The following ARHGAP15 variants were observed in gnomAD, a reference collection of about 807,000 sequenced individuals.
The protein encoded by ARHGAP15 is Rho GTPase activating protein 15.
In ARHGAP15, 51 loss-of-function variants were observed where a neutral mutation model predicts 63.7. That is an observed-to-expected ratio of 0.80 (90% confidence interval 0.64 to 1.01). The LOEUF (loss-of-function observed/expected upper bound fraction) is 1.01. Ranked by LOEUF, ARHGAP15 falls within the 50% of genes least tolerant of loss-of-function variation. ARHGAP15 has a pLI of 0.00. For missense variants in ARHGAP15, 560 were observed against 564.6 expected (o/e 0.99, Z 0.08); for synonymous variants, 191 against 193.8 (o/e 0.99, Z 0.12).
rs1201840061 is a variant in ARHGAP15, at chr2:143,355,225, T to TG, written c.475-80376_475-80375insG. On this transcript the variant is annotated intron_variant, in intron 6 of 13. Transcript: ENST00000295095. Reference sequence around the variant, plus strand: ...TAGAATTGCAATTCCATACACAGGATATATCAGCAGTTACCAATTCTCCAT... The same window carrying TG: ...TAGAATTGCAATTCCATACACAGGATGATATCAGCAGTTACCAATTCTCCAT... Among the ~76,000 whole-genome samples, 43 of 152,298 alleles carry TG rather than the reference T, an allele frequency of 2.8e-4. 1 individual carries two copies. In the South Asian group the frequency reaches 4.4e-3, roughly 15 times the overall value.
At chr2:143,757,013 G>C (rs1290488107) in intron 13 of ARHGAP15, among the ~76,000 whole-genome samples, 1 of 152,098 alleles carries the variant, frequency 6.6e-6, no homozygotes, top group Non-Finnish European at 1.5e-5. Flanking sequence ...ATAAAGATCT[G>C]CATCTTAATC....
At chr2:143,710,543 G>A (rs983115630) in intron 13 of ARHGAP15, among the ~76,000 whole-genome samples, 11 of 152,108 alleles carry the variant, frequency 7.2e-5, no homozygotes, top group African/African-American at 1.7e-4. Flanking sequence ...GTTTTAAGAC[G>A]GGAGTGAAAT....
At position 143,205,583 on chromosome 2, in the gene ARHGAP15, A is replaced by G. The variant is rs1456172686; in HGVS notation, c.234+3381A>G. On this transcript the variant is annotated intron_variant, in intron 3 of 13. Coordinates refer to ENST00000295095, the MANE Select transcript of ARHGAP15 (RefSeq NM_018460.4). ...TTTCACTTCCAAGCTTGTGATACAC[A>G]GGTCTATGCTTGTAACCTTTCTCTC... Among the ~76,000 whole-genome samples, 3 of 152,222 alleles carry G rather than the reference A, an allele frequency of 2.0e-5. No homozygotes were observed. In the East Asian group the frequency reaches 5.8e-4, roughly 29 times the overall value.
intron 6 of ARHGAP15, among the ~76,000 whole-genome samples, chr2:143,435,041 TG>T (rs1031068599): frequency 6.6e-6 from 1 of 152,144 alleles, no homozygotes; most frequent in Admixed American, 6.6e-5. Flanking sequence ...GTGGGGAAAT[TG>T]GTTTTTTTAT....
intron 12 of ARHGAP15, among the ~76,000 whole-genome samples, chr2:143,694,549 G>C (rs904542550): frequency 1.2e-4 from 19 of 152,178 alleles, no homozygotes; most frequent in Non-Finnish European, 1.8e-4. Context: ...CCAGAGCCAG[G>C]CAGAGGTGTT....
At chr2:143,275,960 G>T (rs929162944) in intron 6 of ARHGAP15, among the ~76,000 whole-genome samples, 1 of 152,120 alleles carries the variant, frequency 6.6e-6, no homozygotes, top group Admixed American at 6.5e-5. Context: ...AGGTACCTTT[G>T]GGCAGCTTTG....
chr2:143,685,371 A>C (rs1395734759), intron 12 of ARHGAP15, among the ~76,000 whole-genome samples: 1 of 152,194 alleles, frequency 6.6e-6, no homozygotes, highest in Non-Finnish European at 1.5e-5. Context: ...TAGGGCTCTC[A>C]TCTTGCATTT....
intron 13 of ARHGAP15, among the ~76,000 whole-genome samples, chr2:143,761,065 A>C (rs1431844133): frequency 6.6e-6 from 1 of 152,196 alleles, no homozygotes; most frequent in Non-Finnish European, 1.5e-5. Context: ...AATTTCTGCT[A>C]AGTCCTCAAT....
chr2:143,281,563 T>C (rs1357185842), intron 6 of ARHGAP15, among the ~76,000 whole-genome samples: 5 of 152,134 alleles, frequency 3.3e-5, no homozygotes, highest in East Asian at 1.9e-4. Flanking sequence ...GACTCTTCCA[T>C]AGGTAACGTG....
At chr2:143,184,358 A>G (rs555067066) in intron 2 of ARHGAP15, among the ~76,000 whole-genome samples, 2 of 152,250 alleles carry the variant, frequency 1.3e-5, no homozygotes, top group East Asian at 1.9e-4. Flanking sequence ...CTTAGGAATT[A>G]TTTCTGATGA....
intron 6 of ARHGAP15, among the ~76,000 whole-genome samples, chr2:143,306,948 G>A (rs1683201281): frequency 6.6e-6 from 1 of 152,106 alleles, no homozygotes; most frequent in Non-Finnish European, 1.5e-5. Flanking sequence ...TCTCTGCTCA[G>A]GGTCTCACGA....
At chr2:143,267,100 T>C (rs570604133) in intron 6 of ARHGAP15, among the ~76,000 whole-genome samples, 19 of 152,294 alleles carry the variant, frequency 1.2e-4, no homozygotes, top group African/African-American at 4.6e-4. Context: ...CACAAATGCA[T>C]AATCCCTCCA....
chr2:143,132,496 G>A (rs1441368231), intron 1 of ARHGAP15, among the ~76,000 whole-genome samples: 1 of 152,212 alleles, frequency 6.6e-6, no homozygotes. Flanking sequence ...GGGAAAGAAT[G>A]CTTTTCCCCA....
intron 11 of ARHGAP15, among the ~76,000 whole-genome samples, chr2:143,610,683 A>G (rs1698215760): frequency 6.6e-6 from 1 of 152,120 alleles, no homozygotes; most frequent in Non-Finnish European, 1.5e-5. Flanking sequence ...GCAGTGGGCC[A>G]TGATGGCCTG....
intron 8 of ARHGAP15, among the ~76,000 whole-genome samples, chr2:143,449,512 G>A (rs1049932221): frequency 2.6e-5 from 4 of 151,872 alleles, no homozygotes; most frequent in African/African-American, 7.3e-5. Context: ...TTTCCCATTG[G>A]CCTTTCAGGT....
At chr2:143,220,982 T>G (rs1263271808) in intron 4 of ARHGAP15, among the ~76,000 whole-genome samples, 2 of 152,076 alleles carry the variant, frequency 1.3e-5, no homozygotes, top group African/African-American at 4.8e-5. Flanking sequence ...CAAATCTTAT[T>G]TTATATATAG....
chr2:143,431,333 T>C (rs2105078611), intron 6 of ARHGAP15, among the ~76,000 whole-genome samples: 1 of 152,216 alleles, frequency 6.6e-6, no homozygotes, highest in Middle Eastern at 3.4e-3. Context: ...TTTGATAGAA[T>C]GGCATTCTCA....
chr2:143,330,127 A>AAAC (rs1684469992), intron 6 of ARHGAP15, among the ~76,000 whole-genome samples: 1 of 81,302 alleles, frequency 1.2e-5, no homozygotes, highest in Non-Finnish European at 2.4e-5. Flanking sequence ...AAAAAAAAAA[A>AAAC]AAAACCAAAA....
chr2:143,637,540 T>A (rs1410386358), intron 12 of ARHGAP15, among the ~76,000 whole-genome samples: 1 of 152,176 alleles, frequency 6.6e-6, no homozygotes, highest in Non-Finnish European at 1.5e-5. Flanking sequence ...CCCAAGTTTT[T>A]AACTACAAAT....
Sources: allele counts gnomAD v4.1 joint callset (sites outside exome capture counted in the v4.1 genomes callset), GRCh38; gene constraint gnomAD v4.1.1; transcripts MANE v1.5; gene names NCBI Gene and HGNC (gene_info 2026-07-23, HGNC 2026-07-21).